KLF5: variants seen among roughly 807,000 people sequenced by gnomAD.
KLF5 encodes the protein KLF transcription factor 5.
KLF5 carries 9 observed loss-of-function variants against 36.9 expected under a neutral mutation model. The ratio of observed to expected loss-of-function variants is 0.24; its 90% CI spans 0.15 to 0.43. The LOEUF is 0.43. Ranked by LOEUF, KLF5 falls within the 20% of genes least tolerant of loss-of-function variation. The pLI is 1.00. For missense variants in KLF5, 524 were observed against 599.5 expected (o/e 0.87, Z 1.31); for synonymous variants, 246 against 241.7 (o/e 1.02, Z -0.17).
At chr13:73,074,256 A>G (rs955593483) in intron 3 of KLF5, among the ~76,000 whole-genome samples, 2 of 152,204 alleles carry the variant, frequency 1.3e-5, no homozygotes, top group Non-Finnish European at 2.9e-5. Flanking sequence ...TTTAAAGTTT[A>G]GACTGACTTG....
chr13:73,076,164 G>A lies in KLF5; in HGVS notation c.*278G>A, dbSNP rs1432963965. 6.7e-6 allele frequency: 2 copies of A among 300,258 alleles called. No homozygotes were observed. Among genetic ancestry groups the A allele is most frequent in the Non-Finnish European group, 1.2e-5 (2 of 164,402 alleles). The allele number at this position is 300,258 out of a possible 1,614,324, so 18.6% of individuals were successfully genotyped here. ...CAGCCACGTCTCAACATGGGTAAGG[G>A]GTGGGGGTGGAGGGGAGTGTGTGCA... On this transcript the variant is annotated 3_prime_UTR_variant, in exon 4 of 4. Coordinates refer to ENST00000377687, the MANE Select transcript of KLF5 (RefSeq NM_001730.5).
chr13:73,073,708 A>G (rs576212185), intron 3 of KLF5, among the ~76,000 whole-genome samples: 6 of 152,280 alleles, frequency 3.9e-5, no homozygotes, highest in African/African-American at 1.4e-4. Context: ...TTTAACCAAT[A>G]TGTTTGTTTC....
rs2044641160 is a variant in KLF5 at position 73,062,142 on chromosome 13, C to T, written c.543C>T (p.Ala181=). The change falls in exon 2 of 4, where the codon GCC becomes GCT. Residue 181 remains alanine (A), a synonymous_variant. Transcript: ENST00000377687. ...GTGAAACGACTGCCCCTCCTCCGGC[C>T]CCGACCCAGGCCCTCCCTGAGTTCA... ...HQSETTAPPP[A]PTQALPEFTS... 1 of 1,614,128 alleles carries T rather than the reference C, an allele frequency of 6.2e-7. No homozygotes were observed. The highest frequency in any genetic ancestry group is 8.5e-7 in the Non-Finnish European group (1 of 1,180,022).
Position 73,059,300 on chromosome 13 carries a change from G to A in KLF5, c.-28G>A, listed in dbSNP as rs756510919. Reference sequence around the variant, plus strand: ...GCGAGGTGGGAAGTGCGCCCGACCCGCGCCTGGAGCTGCGCCCCCGAGTGC... The same window carrying A: ...GCGAGGTGGGAAGTGCGCCCGACCCACGCCTGGAGCTGCGCCCCCGAGTGC... On this transcript the variant is annotated 5_prime_UTR_variant, in exon 1 of 4. Transcript: ENST00000377687. 21 of 1,344,384 alleles carry A rather than the reference G, an allele frequency of 1.6e-5. No homozygotes were observed. The highest frequency in any genetic ancestry group is 5.6e-4 in the Middle Eastern group (2 of 3,578). The allele number at this position is 1,344,384 out of a possible 1,614,324, so 83.3% of individuals were successfully genotyped here.
chr13:73,059,774 T>TGGGG, intron 1 of KLF5, 186 bp downstream of exon 1: 4 of 380,334 alleles, frequency 1.1e-5, no homozygotes, highest in Non-Finnish European at 1.3e-5. Context: ...TGAGAGTAAA[T>TGGGG]GGGGGGGGGG....
chr13:73,062,772 A>G, intron 2 of KLF5, 38 bp downstream of exon 2: 1 of 1,438,760 alleles, frequency 7.0e-7, no homozygotes, highest in Non-Finnish European at 9.6e-7. Flanking sequence ...CAATAGATGT[A>G]GTGTGTGTGT....
At position 73,076,393 on chromosome 13, in the gene KLF5, TTA is replaced by T. The variant is rs1416823441; in HGVS notation, c.*512_*513del. The T allele has an allele frequency of 2.0e-5, 3 of 152,812 alleles. No individual in the cohort carries two copies. The highest frequency in any genetic ancestry group is 1.3e-4 in the Admixed American group (2 of 15,292). 9.5% of individuals were successfully genotyped at this position (152,812 alleles called of 1,614,324 possible). ...GAACAAATGTGTGGGTTTTTAAAAA[TTA>T]TATACATATATGAGTTGCCTATATT... is the stretch of plus-strand genomic sequence containing the variant. On this transcript the variant is annotated 3_prime_UTR_variant, in exon 4 of 4. Transcript: ENST00000377687.
At chr13:73,061,826 G>A in intron 1 of KLF5, 35 bp from the exon 2 acceptor site, 2 of 1,587,542 alleles carry the variant, frequency 1.3e-6, no homozygotes, top group South Asian at 1.1e-5. Context: ...TGGTGAATCA[G>A]GTGGATTATG....
chr13:73,066,426 C>G (rs1455892969), intron 3 of KLF5, among the ~76,000 whole-genome samples: 2 of 151,852 alleles, frequency 1.3e-5, no homozygotes, highest in African/African-American at 4.8e-5. Flanking sequence ...TTTCTGTCCT[C>G]CTCCTCCCTC....
intron 3 of KLF5, among the ~76,000 whole-genome samples, chr13:73,067,842 CTT>C (rs66630634): frequency 7.3e-4 from 101 of 138,994 alleles, no homozygotes; most frequent in Admixed American, 9.4e-4. Context: ...ATTCACTCTT[CTT>C]TTTTTTTTTT....
rs1359429229 is a variant in KLF5, at chr13:73,062,467, A to G, written c.868A>G (p.Ser290Gly). 5 of 1,614,094 alleles carry G rather than the reference A, an allele frequency of 3.1e-6. No individual in the cohort carries two copies. Among genetic ancestry groups the G allele is most frequent in the Non-Finnish European group, 4.2e-6 (5 of 1,180,044 alleles). Residue 290 changes from serine to glycine, a missense_variant, in exon 2 of 4, where the codon AGT (serine) becomes GGT (glycine). By Grantham distance (56) the Ser-to-Gly change is moderately conservative. Transcript: ENST00000377687. ...GMPPCTYTMP[S>G]QFLPQQATYF... Reference sequence around the variant, plus strand: ...GCCCCCTTGCACATACACAATGCCAAGTCAGTTTCTTCCACAACAGGCCAC... The same window carrying G: ...GCCCCCTTGCACATACACAATGCCAGGTCAGTTTCTTCCACAACAGGCCAC...
Position 73,059,236 on chromosome 13 carries a change from G to T in KLF5, c.-92G>T. On this transcript the variant is annotated 5_prime_UTR_variant, in exon 1 of 4. Coordinates refer to ENST00000377687, the MANE Select transcript of KLF5 (RefSeq NM_001730.5). The stretch of plus-strand genomic sequence containing the variant: ...ACCCGAAACCTCCCCTCCTCCGCCG[G>T]CAGCCCCGCGCTGAGCTCGCCGACC... 8.3e-7 allele frequency: 1 copy of T among 1,202,954 alleles called. No individual in the cohort carries two copies. Among genetic ancestry groups the T allele is most frequent in the Admixed American group, 4.3e-5 (1 of 23,416 alleles). The allele number at this position is 1,202,954 out of a possible 1,614,324, so 74.5% of individuals were successfully genotyped here. A position where few individuals can be genotyped will look rare whatever the true frequency, so the allele number is the denominator to read the frequency against.
intron 2 of KLF5, among the ~76,000 whole-genome samples, chr13:73,063,069 G>A (rs1349145396): frequency 6.6e-6 from 1 of 151,520 alleles, no homozygotes; most frequent in East Asian, 1.9e-4. Flanking sequence ...ATATTATTTC[G>A]AGTTAGGCCA....
intron 3 of KLF5, chr13:73,074,905 G>A (rs142823146): frequency 3.3e-4 from 50 of 152,292 alleles, no homozygotes; most frequent in Middle Eastern, 3.4e-3. Context: ...GATGCTTGGC[G>A]AATTGTTTAT....
chr13:73,073,879 T>C (rs901277446), intron 3 of KLF5, among the ~76,000 whole-genome samples: 7 of 152,190 alleles, frequency 4.6e-5, no homozygotes, highest in African/African-American at 1.7e-4. Context: ...CAGAACGTGA[T>C]TTATACTTTG....
At position 73,075,821 on chromosome 13, in the gene KLF5, G is replaced by A; in HGVS notation, c.1309G>A (p.Val437Met). Residue 437 changes from valine (V) to methionine (M), a missense_variant, in exon 4 of 4, where the codon GTG becomes ATG. Val to Met is a conservative substitution (Grantham distance 21). This residue lies in a region of KLF5 where 20 missense variants were observed against 16.1 expected (regional missense o/e 1.24). Coordinates refer to ENST00000377687, the MANE Select transcript of KLF5 (RefSeq NM_001730.5). ...HTGAKPFQCG[V>M]CNRSFSRSDH... The stretch of plus-strand genomic sequence containing the variant: ...AGGCGCCAAGCCCTTCCAGTGCGGG[G>A]TGTGCAACCGCAGCTTCTCGCGCTC... 1.2e-6 allele frequency: 2 copies of A among 1,612,286 alleles called. No individual in the cohort carries two copies. Among genetic ancestry groups the A allele is most frequent in the South Asian group, 1.1e-5 (1 of 91,062 alleles).
chr13:73,077,176 ATT>A lies in KLF5; in HGVS notation c.*1291_*1292del, dbSNP rs1276675137. The A allele has an allele frequency of 6.6e-6, 1 of 152,654 alleles. No homozygotes were observed. Among genetic ancestry groups the A allele is most frequent in the African/African-American group, 2.4e-5 (1 of 41,468 alleles). 9.5% of individuals were successfully genotyped at this position (152,654 alleles called of 1,614,324 possible). Reference sequence around the variant, plus strand: ...GAAAATTTAATTTTGTTTTTAAAATATTGTTTATCTTTATTTATTTTGTGGTA... The same window carrying A: ...GAAAATTTAATTTTGTTTTTAAAATAGTTTATCTTTATTTATTTTGTGGTA... On this transcript the variant is annotated 3_prime_UTR_variant, in exon 4 of 4. Transcript: ENST00000377687.
At chr13:73,065,841 T>C (rs1206587232) in intron 3 of KLF5, among the ~76,000 whole-genome samples, 1 of 152,220 alleles carries the variant, frequency 6.6e-6, no homozygotes, top group African/African-American at 2.4e-5. Flanking sequence ...TGCAGGGATG[T>C]AGTCAAACCC....
intron 3 of KLF5, 53 bp downstream of exon 3, chr13:73,063,936 T>A (rs112185415): frequency 8.6e-7 from 1 of 1,162,496 alleles, no homozygotes; most frequent in Non-Finnish European, 1.3e-6. Flanking sequence ...GTAAGTGGTA[T>A]TCATCCTTTT....
Sources: gnomAD v4.1 joint callset for allele counts (sites outside exome capture counted in the v4.1 genomes callset) on GRCh38, gnomAD v4.1.1 for gene constraint, gnomAD v4.1.1 regional missense constraint, MANE v1.5 for transcripts, NCBI Gene and HGNC (gene_info 2026-07-23, HGNC 2026-07-21) for gene names.